Variants in MCF2L2 observed in about 807,000 individuals in gnomAD.
MCF2L2 encodes probable guanine nucleotide exchange factor MCF2L2.
Under a neutral mutation model 150.2 loss-of-function variants are expected in MCF2L2, and 102 were observed. The observed-to-expected ratio is 0.68, with a 90% CI of 0.58 to 0.80. The LOEUF (loss-of-function observed/expected upper bound fraction) is 0.80, where lower values mean the gene tolerates loss of function less well. MCF2L2 is among the 30% of genes least tolerant of loss of function. The pLI is 0.00. For synonymous variants in MCF2L2, 465 were observed against 491.3 expected (o/e 0.95, Z 0.71); for missense variants, 1,256 against 1,372.8 (o/e 0.91, Z 1.34).
chr3:183,341,559 G>C lies in MCF2L2; in HGVS notation c.347C>G (p.Ala116Gly). ...ATTTACAGCTATTCGTGTCAAGGAT[G>C]CCTTTACGGAGCTCCACTTGTCTCT... ...RRRDKWSSVK[A>G]SLTRIAVAFP... Residue 116 changes from alanine (A) to glycine (G), a missense_variant, in exon 4 of 30, where the codon GCA becomes GGA. Coordinates refer to ENST00000328913, the MANE Select transcript of MCF2L2 (RefSeq NM_015078.4). 1 of 1,613,018 alleles carries C rather than the reference G, an allele frequency of 6.2e-7. No homozygotes were observed. Among genetic ancestry groups the C allele is most frequent in the Non-Finnish European group, 8.5e-7 (1 of 1,178,956 alleles).
chr3:183,297,642 C>CCCTCCCTCCCTTCCTTCCTT (rs138473795), intron 11 of MCF2L2: 2 of 146,118 alleles, frequency 1.4e-5, no homozygotes, highest in African/African-American at 5.2e-5. Context: ...CTTCCTTCCT[C>CCCTCCCTCCCTTCCTTCCTT]CCTTCCTTCC....
At chr3:183,420,548 G>A (rs947330070) in intron 1 of MCF2L2, among the ~76,000 whole-genome samples, 1 of 152,150 alleles carries the variant, frequency 6.6e-6, no homozygotes, top group African/African-American at 2.4e-5. Context: ...GCAGTGTGCT[G>A]AAATTGCGCC....
At chr3:183,257,298 G>A (rs1357820895) in intron 15 of MCF2L2, among the ~76,000 whole-genome samples, 4 of 151,996 alleles carry the variant, frequency 2.6e-5, no homozygotes, top group East Asian at 1.9e-4. Context: ...AAACACTCTC[G>A]GCTTTTTTAC....
intron 10 of MCF2L2, among the ~76,000 whole-genome samples, chr3:183,300,571 CATA>C (rs1240823382): frequency 6.6e-6 from 1 of 152,102 alleles, no homozygotes; most frequent in Non-Finnish European, 1.5e-5. Flanking sequence ...ATGGAGTGCA[CATA>C]ATAAGAGATT....
intron 21 of MCF2L2, among the ~76,000 whole-genome samples, chr3:183,218,667 T>A (rs770421416): frequency 9.9e-5 from 15 of 151,726 alleles, no homozygotes; most frequent in Non-Finnish European, 2.1e-4. Context: ...AATTTTTTTT[T>A]AAAGTTCTTA....
intron 25 of MCF2L2, among the ~76,000 whole-genome samples, chr3:183,202,504 G>A (rs1414490298): frequency 6.6e-6 from 1 of 152,202 alleles, no homozygotes; most frequent in Non-Finnish European, 1.5e-5. Context: ...TTGATGATCT[G>A]CACAAACAGA....
intron 25 of MCF2L2, among the ~76,000 whole-genome samples, chr3:183,198,329 CA>C (rs1355545722): frequency 1.2e-4 from 17 of 144,584 alleles, no homozygotes; most frequent in Admixed American, 2.7e-4. Flanking sequence ...GAAGCCAGAC[CA>C]AAAAAAAAAG....
chr3:183,340,837 G>C (rs1439872306), intron 4 of MCF2L2, among the ~76,000 whole-genome samples: 1 of 152,166 alleles, frequency 6.6e-6, no homozygotes, highest in Non-Finnish European at 1.5e-5. Flanking sequence ...CAGCTACTTG[G>C]GAGGCTGAGG....
intron 3 of MCF2L2, among the ~76,000 whole-genome samples, chr3:183,360,956 C>CAGAAAAGAAAAGAAA (rs71185654): frequency 0.014 from 1,277 of 88,436 alleles, 12 homozygotes; most frequent in South Asian, 0.036. Context: ...GAGTGAAACT[C>CAGAAAAGAAAAGAAA]AGAAAAGAAA....
chr3:183,252,093 A>G (rs1724570048), intron 15 of MCF2L2, among the ~76,000 whole-genome samples: 2 of 151,176 alleles, frequency 1.3e-5, no homozygotes, highest in Non-Finnish European at 2.9e-5. Flanking sequence ...CTATGTGCTC[A>G]TGTATGTGGA....
chr3:183,313,764 C>T (rs1277048608), intron 7 of MCF2L2, among the ~76,000 whole-genome samples: 1 of 152,192 alleles, frequency 6.6e-6, no homozygotes, highest in Non-Finnish European at 1.5e-5. Flanking sequence ...TGCTCCCTTT[C>T]GGAGAGTCTC....
At chr3:183,300,836 G>GAAAAACCC (rs1205788028) in intron 10 of MCF2L2, among the ~76,000 whole-genome samples, 1 of 151,850 alleles carries the variant, frequency 6.6e-6, no homozygotes, top group Non-Finnish European at 1.5e-5. Flanking sequence ...GACCAACGTG[G>GAAAAACCC]AAAAACCCCG....
At chr3:183,417,306 AG>A (rs1249440124) in intron 1 of MCF2L2, among the ~76,000 whole-genome samples, 1 of 152,102 alleles carries the variant, frequency 6.6e-6, no homozygotes, top group African/African-American at 2.4e-5. Flanking sequence ...GTATGCATTC[AG>A]TAGAAACTGT....
intron 27 of MCF2L2, among the ~76,000 whole-genome samples, chr3:183,185,950 T>A (rs1721677543): frequency 6.6e-6 from 1 of 152,024 alleles, no homozygotes; most frequent in Non-Finnish European, 1.5e-5. Context: ...CCCTGCCAGC[T>A]CCTAAGGCAG....
intron 21 of MCF2L2, among the ~76,000 whole-genome samples, chr3:183,218,443 C>T (rs1047142586): frequency 2.6e-5 from 4 of 152,038 alleles, no homozygotes; most frequent in Admixed American, 2.6e-4. Context: ...TCGAGACCAG[C>T]CTGACCAACG....
chr3:183,331,597 A>T (rs1299820944), intron 5 of MCF2L2, among the ~76,000 whole-genome samples: 1 of 152,236 alleles, frequency 6.6e-6, no homozygotes, highest in African/African-American at 2.4e-5. Flanking sequence ...CTCCATTTTA[A>T]GCAACCAATT....
chr3:183,408,034 T>C (rs990803101), intron 1 of MCF2L2, among the ~76,000 whole-genome samples: 2 of 152,174 alleles, frequency 1.3e-5, no homozygotes, highest in African/African-American at 4.8e-5. Context: ...CAAAGATGCC[T>C]CCGGCTCCAT....
At chr3:183,274,372 T>C (rs1727031088) in intron 15 of MCF2L2, among the ~76,000 whole-genome samples, 1 of 152,220 alleles carries the variant, frequency 6.6e-6, no homozygotes, top group African/African-American at 2.4e-5. Context: ...GTTAGCTGTC[T>C]GAAATACAGT....
At chr3:183,341,488 AACAG>A in intron 4 of MCF2L2, 48 bp downstream of exon 4, 1 of 1,398,036 alleles carries the variant, frequency 7.2e-7, no homozygotes, top group Non-Finnish European at 1.0e-6. Context: ...GAAATAGTTG[AACAG>A]ACAATTTAAA....
Sources: allele counts gnomAD v4.1 joint callset (sites outside exome capture counted in the v4.1 genomes callset), GRCh38; gene constraint gnomAD v4.1.1; transcripts MANE v1.5; gene names NCBI Gene and HGNC (gene_info 2026-07-23, HGNC 2026-07-21).